Variants in NKAIN2 observed in about 807,000 individuals in gnomAD.
NKAIN2 encodes sodium/potassium-transporting ATPase subunit beta-1-interacting protein 2.
In NKAIN2, 14 loss-of-function variants were observed where a neutral mutation model predicts 32.6. The ratio of observed to expected loss-of-function variants is 0.43; its 90% CI spans 0.28 to 0.67. NKAIN2 has a LOEUF of 0.67. Ranked by LOEUF, NKAIN2 falls within the 30% of genes least tolerant of loss-of-function variation. NKAIN2 has a pLI of 0.17. For synonymous variants in NKAIN2, 80 were observed against 87.2 expected (o/e 0.92, Z 0.46); for missense variants, 198 against 258.3 (o/e 0.77, Z 1.60).
At chr6:124,809,512 C>A (rs1780773319) in intron 5 of NKAIN2, among the ~76,000 whole-genome samples, 1 of 150,182 alleles carries the variant, frequency 6.7e-6, no homozygotes. Context: ...AAACGTTGGA[C>A]CTAAAACCAT....
chr6:124,705,534 G>C (rs1407376252), intron 4 of NKAIN2, among the ~76,000 whole-genome samples: 1 of 151,964 alleles, frequency 6.6e-6, no homozygotes, highest in Non-Finnish European at 1.5e-5. Context: ...TCTCCTGTTT[G>C]GTAAAAATTG....
chr6:124,628,306 T>G (rs937369219), intron 3 of NKAIN2, among the ~76,000 whole-genome samples: 2 of 152,200 alleles, frequency 1.3e-5, no homozygotes, highest in Non-Finnish European at 2.9e-5. Flanking sequence ...TGTAGATATA[T>G]TCTACCCTAA....
In NKAIN2 at chr6:124,231,735, T is replaced by G. The variant is rs802305; in HGVS notation, c.55-51270T>G. Among the ~76,000 whole-genome samples, 3 of 152,024 alleles carry G rather than the reference T, an allele frequency of 2.0e-5. No individual in the cohort carries two copies. The East Asian group carries it at 5.8e-4, about 30-fold the overall frequency. On this transcript the variant is annotated intron_variant, in intron 1 of 6. Transcript: ENST00000368417. ...CATGATTGCGAGGCCTCCCCAGCCATATGGAACTGTAAGTTCATTAAACCT... is the reference window on the plus strand; with the variant it reads ...CATGATTGCGAGGCCTCCCCAGCCAGATGGAACTGTAAGTTCATTAAACCT...
intron 1 of NKAIN2, among the ~76,000 whole-genome samples, chr6:124,001,664 A>T (rs192652061): frequency 2.1e-3 from 324 of 151,786 alleles, no homozygotes; most frequent in Middle Eastern, 6.9e-3. Context: ...TTAGGTGCCA[A>T]ATTGACAGTT....
At chr6:124,627,958 G>A (rs911076473) in intron 3 of NKAIN2, among the ~76,000 whole-genome samples, 14 of 151,816 alleles carry the variant, frequency 9.2e-5, no homozygotes, top group African/African-American at 2.9e-4. Flanking sequence ...AACCACTCAC[G>A]CACAAACTCA....
intron 1 of NKAIN2, among the ~76,000 whole-genome samples, chr6:124,017,724 G>T (rs979205523): frequency 6.6e-6 from 1 of 152,124 alleles, no homozygotes; most frequent in African/African-American, 2.4e-5. Context: ...CAAGAGGTGG[G>T]CTCCCTGGCC....
At chr6:124,642,968 G>C (rs1325037261) in intron 3 of NKAIN2, among the ~76,000 whole-genome samples, 1 of 152,026 alleles carries the variant, frequency 6.6e-6, no homozygotes, top group East Asian at 1.9e-4. Flanking sequence ...AGAGTAGTCT[G>C]GGTATAATTA....
intron 3 of NKAIN2, among the ~76,000 whole-genome samples, chr6:124,367,257 C>G (rs945963788): frequency 1.3e-5 from 2 of 152,132 alleles, no homozygotes; most frequent in Non-Finnish European, 2.9e-5. Flanking sequence ...ACTATCTGTT[C>G]TTCAATGTTG....
chr6:123,835,679 T>G (rs9375285), intron 1 of NKAIN2, among the ~76,000 whole-genome samples: 59,239 of 152,042 alleles, frequency 0.39, 13,105 homozygotes, highest in Middle Eastern at 0.54. Flanking sequence ...CAGCTTGTAT[T>G]TAATGGAATG....
intron 2 of NKAIN2, among the ~76,000 whole-genome samples, chr6:124,286,665 TGTGTGTGTGC>T (rs1213224943): frequency 0.01 from 1,287 of 123,952 alleles, 20 homozygotes; most frequent in African/African-American, 0.047. Flanking sequence ...TGTGTGTGTG[TGTGTGTGTGC>T]GCGCGCGTGT....
chr6:124,523,290 G>A (rs1257361179), intron 3 of NKAIN2, among the ~76,000 whole-genome samples: 1 of 151,864 alleles, frequency 6.6e-6, no homozygotes, highest in Non-Finnish European at 1.5e-5. Context: ...TCATCAAAAT[G>A]AATGGAATTT....
intron 4 of NKAIN2, among the ~76,000 whole-genome samples, chr6:124,720,675 A>G (rs1775967371): frequency 6.6e-6 from 1 of 152,198 alleles, no homozygotes; most frequent in African/African-American, 2.4e-5. Context: ...CTGGAGATTC[A>G]GATAGCCACA....
intron 3 of NKAIN2, among the ~76,000 whole-genome samples, chr6:124,418,107 C>T (rs894163932): frequency 7.9e-5 from 12 of 151,556 alleles, no homozygotes; most frequent in Non-Finnish European, 1.3e-4. Context: ...ATTTCAGCTT[C>T]GCTTTCATTC....
At chr6:123,817,654 G>T (rs550098972) in intron 1 of NKAIN2, among the ~76,000 whole-genome samples, 1 of 152,080 alleles carries the variant, frequency 6.6e-6, no homozygotes, top group African/African-American at 2.4e-5. Context: ...CTATGAAAAC[G>T]GAATCTTCAG....
At chr6:124,010,600 G>A (rs991525763) in intron 1 of NKAIN2, among the ~76,000 whole-genome samples, 1 of 150,876 alleles carries the variant, frequency 6.6e-6, no homozygotes, top group Non-Finnish European at 1.5e-5. Context: ...TATCAGCTGT[G>A]GGTAAGTACT....
intron 4 of NKAIN2, among the ~76,000 whole-genome samples, chr6:124,757,394 G>T (rs756980905): frequency 1.3e-5 from 2 of 151,866 alleles, no homozygotes; most frequent in Non-Finnish European, 2.9e-5. Flanking sequence ...TTACTTACTG[G>T]ATCCCTGTTC....
At position 124,103,949 on chromosome 6, in the gene NKAIN2, T is replaced by C. The variant is rs575127185; in HGVS notation, c.55-179056T>C. 2.0e-5 allele frequency among the ~76,000 whole-genome samples: 3 copies of C among 152,122 alleles called. No homozygotes were observed. The South Asian group carries it at 6.2e-4, about 32-fold the overall frequency. ...AAAAATACAAAAAATTAGCTAGGCA[T>C]GGTGGCAGGAGCCTATAGTCCCAGT... On this transcript the variant is annotated intron_variant, in intron 1 of 6. Transcript: ENST00000368417.
chr6:124,543,398 G>C (rs1032546930), intron 3 of NKAIN2, among the ~76,000 whole-genome samples: 7 of 152,024 alleles, frequency 4.6e-5, no homozygotes, highest in Non-Finnish European at 8.8e-5. Context: ...CAGGCTTAAT[G>C]AGCTCTTCAT....
intron 3 of NKAIN2, among the ~76,000 whole-genome samples, chr6:124,423,021 A>C (rs1036518129): frequency 6.6e-6 from 1 of 152,232 alleles, no homozygotes; most frequent in Non-Finnish European, 1.5e-5. Flanking sequence ...TTTGCAAGCT[A>C]GTCAAGAAAA....
Sources: allele counts gnomAD v4.1 joint callset (sites outside exome capture counted in the v4.1 genomes callset), GRCh38; gene constraint gnomAD v4.1.1; transcripts MANE v1.5; gene names NCBI Gene and HGNC (gene_info 2026-07-23, HGNC 2026-07-21).